FAT3: variants seen among roughly 807,000 people sequenced by gnomAD.
The protein encoded by FAT3 is protocadherin Fat 3.
FAT3 carries 95 observed loss-of-function variants against 310.2 expected under a neutral mutation model. The observed-to-expected ratio is 0.31, with a 90% CI of 0.26 to 0.36. FAT3 has a LOEUF of 0.36. Ranked by LOEUF, FAT3 falls within the 10% of genes least tolerant of loss-of-function variation. The probability of loss-of-function intolerance (pLI) is 1.00; values close to 1 mark genes in which losing one functional copy is unlikely to be tolerated. For synonymous variants in FAT3, 2,314 were observed against 2,192.9 expected, an observed-to-expected ratio of 1.06 and a Z score of -1.54; for missense variants, 5,408 against 5,715.6, an observed-to-expected ratio of 0.95 and a Z score of 1.74.
chr11:92,351,972 G>C, intron 1 of FAT3, 124 bp from the exon 2 acceptor site: 1 of 551,182 alleles, frequency 1.8e-6, no homozygotes, highest in Non-Finnish European at 2.5e-6. Flanking sequence ...TTATATTGCT[G>C]TTTTAGTAAA....
At chr11:92,710,839 AG>A (rs1400026109) in intron 4 of FAT3, among the ~76,000 whole-genome samples, 1 of 152,260 alleles carries the variant, frequency 6.6e-6, no homozygotes, top group Admixed American at 6.5e-5. Context: ...TGTAAGGAAG[AG>A]TGAACTCAGT....
In FAT3 at chr11:92,800,822, G is replaced by A; in HGVS notation, c.7809G>A (p.Val2603=). 1 of 1,613,758 alleles carries A rather than the reference G, an allele frequency of 6.2e-7. No individual in the cohort carries two copies. Among genetic ancestry groups the A allele is most frequent in the South Asian group, 1.1e-5 (1 of 91,032 alleles). Residue 2603 remains valine, a synonymous_variant, in exon 10 of 28, where the codon GTG becomes GTA. Coordinates refer to ENST00000525166, the MANE Select transcript of FAT3 (RefSeq NM_001367949.2). Reference sequence around the variant, plus strand: ...ACAATGCTCCCCAGTTCATGACAGTGGAATATAGAGCCAGTGTCAGGGCAG... The same window carrying A: ...ACAATGCTCCCCAGTTCATGACAGTAGAATATAGAGCCAGTGTCAGGGCAG... ...ENDNAPQFMT[V]EYRASVRADV...
intron 3 of FAT3, among the ~76,000 whole-genome samples, chr11:92,610,192 C>T (rs1271713351): frequency 7.2e-5 from 11 of 152,174 alleles, no homozygotes; most frequent in Non-Finnish European, 1.6e-4. Flanking sequence ...ATAAAATTCA[C>T]ATGAGAAGGG....
intron 2 of FAT3, among the ~76,000 whole-genome samples, chr11:92,368,833 C>CATATATATATATATATATACATATAT (rs778237959): frequency 7.1e-6 from 1 of 140,966 alleles, no homozygotes; most frequent in African/African-American, 2.9e-5. Flanking sequence ...TGTGTGTATA[C>CATATATATATATATATATACATATAT]ATATATATAT....
intron 17 of FAT3, among the ~76,000 whole-genome samples, chr11:92,838,134 G>T (rs1948452234): frequency 6.6e-6 from 1 of 152,208 alleles, no homozygotes; most frequent in Non-Finnish European, 1.5e-5. Flanking sequence ...ATTCACCAAA[G>T]ATCATGCAGC....
intron 4 of FAT3, among the ~76,000 whole-genome samples, chr11:92,757,904 T>C (rs1026057359): frequency 6.6e-6 from 1 of 152,178 alleles, no homozygotes; most frequent in South Asian, 2.1e-4. Context: ...TAAAAATCAT[T>C]CTGCATTATC....
intron 3 of FAT3, among the ~76,000 whole-genome samples, chr11:92,670,609 C>T (rs12274530): frequency 0.028 from 4,188 of 152,282 alleles, 213 homozygotes; most frequent in African/African-American, 0.095. Context: ...GAATTGGGGC[C>T]AGACTTTTTC....
intron 22 of FAT3, among the ~76,000 whole-genome samples, chr11:92,873,499 G>T (rs1949445331): frequency 6.6e-6 from 1 of 152,202 alleles, no homozygotes; most frequent in African/African-American, 2.4e-5. Context: ...ACACTGGCAA[G>T]CAGGGTAGAG....
At chr11:92,536,084 G>A (rs1954248605) in intron 3 of FAT3, among the ~76,000 whole-genome samples, 1 of 152,082 alleles carries the variant, frequency 6.6e-6, no homozygotes, top group Admixed American at 6.6e-5. Flanking sequence ...TTCTGATCTT[G>A]TCCTTTTTTG....
rs763066446 is a variant in FAT3 at position 92,801,902 on chromosome 11, T to G, written c.8889T>G (p.His2963Gln). ...ACGTTAATCGCCAAGTGAGCTACCA[T>G]ATTACAGGTGAGTAAATACCCCCAG... ...TSDVNRQVSYHITGGNPRGRF... is the reference protein window; with the variant it reads ...TSDVNRQVSYQITGGNPRGRF... The change falls in exon 10 of 28, where the codon CAT becomes CAG. Residue 2963 changes from histidine (H) to glutamine (Q), a missense_variant. Around this residue, in one of 5 missense-constraint regions of FAT3, gnomAD observed 4,588 missense variants for 4,809.8 expected, o/e 0.95. Transcript: ENST00000525166. 1.7e-5 allele frequency: 27 copies of G among 1,612,708 alleles called. No individual in the cohort carries two copies. The highest frequency in any genetic ancestry group is 2.2e-5 in the Non-Finnish European group (26 of 1,179,134).
At chr11:92,541,870 A>T (rs1954459532) in intron 3 of FAT3, among the ~76,000 whole-genome samples, 1 of 152,162 alleles carries the variant, frequency 6.6e-6, no homozygotes, top group Non-Finnish European at 1.5e-5. Context: ...AGAAATCATA[A>T]TAGTAATTGC....
rs1329790329 is a variant in FAT3, at chr11:92,564,273, A to T, written c.3607+39325A>T. Among the ~76,000 whole-genome samples the T allele has an allele frequency of 1.3e-4, 20 of 151,850 alleles. No individual in the cohort carries two copies. In the East Asian group the frequency reaches 3.9e-3, roughly 29 times the overall value. ...TAAAACAGACTTTAAACCAACAAAGATCAAAAGAGACAAAGAAGGCCATTA... is the reference window on the plus strand; with the variant it reads ...TAAAACAGACTTTAAACCAACAAAGTTCAAAAGAGACAAAGAAGGCCATTA... On this transcript the variant is annotated intron_variant, in intron 3 of 27. Coordinates refer to ENST00000525166, the MANE Select transcript of FAT3 (RefSeq NM_001367949.2).
In FAT3 at chr11:92,354,912, C is replaced by T; in HGVS notation, c.2800C>T (p.Pro934Ser). ...VFLDDVNDCS[P>S]AFIPSSYSVK... ...TTTAGATGATGTCAATGACTGCTCC[C>T]CAGCTTTCATTCCCAGTAGCTATAG... The change falls in exon 2 of 28, where the codon CCA becomes TCA. Residue 934 changes from proline to serine, a missense_variant. Around this residue, in one of 5 missense-constraint regions of FAT3, gnomAD observed 4,588 missense variants for 4,809.8 expected, o/e 0.95. Transcript: ENST00000525166. 1 of 1,613,856 alleles carries T rather than the reference C, an allele frequency of 6.2e-7. No individual in the cohort carries two copies. The highest frequency in any genetic ancestry group is 1.3e-5 in the African/African-American group (1 of 75,002).
chr11:92,310,663 A>G lies in FAT3; in HGVS notation c.-17-41433A>G, dbSNP rs77412936. On this transcript the variant is annotated intron_variant, in intron 1 of 27. Coordinates refer to ENST00000525166, the MANE Select transcript of FAT3 (RefSeq NM_001367949.2). ...TGTATATACGTGTGTGTGTATATAT[A>G]TATGTGTATGTTTGTATATGTATAT... 2.0e-4 allele frequency among the ~76,000 whole-genome samples: 30 copies of G among 152,220 alleles called. 1 individual carries two copies. In the East Asian group the frequency reaches 5.8e-3, roughly 29 times the overall value.
intron 1 of FAT3, among the ~76,000 whole-genome samples, chr11:92,229,387 A>G (rs1864052521): frequency 6.6e-6 from 1 of 151,442 alleles, no homozygotes; most frequent in Admixed American, 6.6e-5. Flanking sequence ...GGTCGATTTA[A>G]TTCTACAGGC....
rs1038009341 is a variant in FAT3 at position 92,799,467 on chromosome 11, A to C, written c.6454A>C (p.Ile2152Leu). 15 of 1,613,592 alleles carry C rather than the reference A, an allele frequency of 9.3e-6. No homozygotes were observed. The highest frequency in any genetic ancestry group is 1.3e-5 in the Non-Finnish European group (15 of 1,179,800). Residue 2152 changes from isoleucine to leucine, a missense_variant, in exon 10 of 28, where the codon ATT (isoleucine) becomes CTT (leucine). Coordinates refer to ENST00000525166, the MANE Select transcript of FAT3 (RefSeq NM_001367949.2). ...AGCATTCAACTCTGACTTGTCCAAC[A>C]TTGAGTATGGAGTCACCATCCTAGC... ...KEAFNSDLSN[I>L]EYGVTILAKD...
At position 92,866,792 on chromosome 11, in the gene FAT3, A is replaced by T. The variant is rs781541325; in HGVS notation, c.11710A>T (p.Ile3904Phe). The T allele has an allele frequency of 5.0e-6, 8 of 1,613,682 alleles. No homozygotes were observed. In the East Asian group the frequency reaches 1.8e-4, roughly 36 times the overall value. The change falls in exon 22 of 28, where the codon ATC becomes TTC. Residue 3904 changes from isoleucine (I) to phenylalanine (F), a missense_variant. Around this residue, in one of 5 missense-constraint regions of FAT3, gnomAD observed 4,588 missense variants for 4,809.8 expected, o/e 0.95. Coordinates refer to ENST00000525166, the MANE Select transcript of FAT3 (RefSeq NM_001367949.2). Reference protein sequence around the residue: ...FQLDCGSGPGILGISGRAVND... With the variant: ...FQLDCGSGPGFLGISGRAVND... ...GCTGGACTGCGGCAGCGGCCCTGGA[A>T]TCTTGGGCATCTCGGGCCGTGCTGT...
intron 2 of FAT3, among the ~76,000 whole-genome samples, chr11:92,456,552 A>G (rs1273015799): frequency 6.6e-6 from 1 of 152,208 alleles, no homozygotes; most frequent in Non-Finnish European, 1.5e-5. Context: ...ATTATAAAAT[A>G]TAGATGAACA....
chr11:92,445,777 T>G (rs1951194891), intron 2 of FAT3, among the ~76,000 whole-genome samples: 1 of 152,114 alleles, frequency 6.6e-6, no homozygotes, highest in South Asian at 2.1e-4. Flanking sequence ...GGTCTGTGGT[T>G]GTTTCCTTGG....
Sources: gnomAD v4.1 joint callset for allele counts (sites outside exome capture counted in the v4.1 genomes callset) on GRCh38, gnomAD v4.1.1 for gene constraint, gnomAD v4.1.1 regional missense constraint, MANE v1.5 for transcripts, NCBI Gene and HGNC (gene_info 2026-07-23, HGNC 2026-07-21) for gene names.